NXPE2: variants seen among roughly 807,000 people sequenced by gnomAD.
The protein encoded by NXPE2 is NXPE family member 2.
In NXPE2, 34 loss-of-function variants were observed where a neutral mutation model predicts 34.4. The observed-to-expected ratio is 0.99, with a 90% confidence interval of 0.75 to 1.31. The LOEUF (loss-of-function observed/expected upper bound fraction) is 1.31. NXPE2 is among the 40% of genes most tolerant of loss of function. The probability of loss-of-function intolerance (pLI) is 0.00; values close to 1 mark genes in which losing one functional copy is unlikely to be tolerated. For missense variants in NXPE2, 649 were observed against 672.5 expected (o/e 0.97, Z 0.39); for synonymous variants, 235 against 231.3 (o/e 1.02, Z -0.15).
At chr11:114,483,473 A>G in the NXPE2 span, among the ~76,000 whole-genome samples, 1 of 152,192 alleles carries the variant, frequency 6.6e-6, no homozygotes. Context: ...CTGCCTTAGG[A>G]GATTGTTGTA....
At chr11:114,569,024 T>C in the NXPE2 span, among the ~76,000 whole-genome samples, 1 of 152,216 alleles carries the variant, frequency 6.6e-6, no homozygotes, top group East Asian at 1.9e-4. Flanking sequence ...CATTGGACTA[T>C]GAACTGTGAT....
chr11:114,620,943 T>A, the NXPE2 span, among the ~76,000 whole-genome samples: 1 of 152,154 alleles, frequency 6.6e-6, no homozygotes, highest in Non-Finnish European at 1.5e-5. Flanking sequence ...GTAACCACAT[T>A]TACCTGTTGG....
At chr11:114,519,481 A>G in the NXPE2 span, among the ~76,000 whole-genome samples, 1 of 152,240 alleles carries the variant, frequency 6.6e-6, no homozygotes, top group South Asian at 2.1e-4. Flanking sequence ...GCTATTAGAG[A>G]TAACAGATAC....
the NXPE2 span, among the ~76,000 whole-genome samples, chr11:114,618,650 A>G: frequency 1.3e-5 from 2 of 152,150 alleles, no homozygotes; most frequent in African/African-American, 4.8e-5. Flanking sequence ...CCGGTTTATA[A>G]TAAGTGTTGC....
downstream of NXPE2, among the ~76,000 whole-genome samples, chr11:114,710,064 A>G (rs1398113686): frequency 6.6e-6 from 1 of 152,192 alleles, no homozygotes; most frequent in African/African-American, 2.4e-5. Flanking sequence ...AAACAAAAAT[A>G]CAACACACTA....
chr11:114,713,033 A>C, the NXPE2 span, among the ~76,000 whole-genome samples: 1 of 152,198 alleles, frequency 6.6e-6, no homozygotes, highest in East Asian at 1.9e-4. Context: ...TGACAAAAGG[A>C]TAAATACTAT....
the NXPE2 span, among the ~76,000 whole-genome samples, chr11:114,466,169 T>G: frequency 6.6e-6 from 1 of 152,216 alleles, no homozygotes; most frequent in African/African-American, 2.4e-5. Context: ...ATAAATTTAT[T>G]TGTAGCTTGA....
At chr11:114,800,422 T>C in the NXPE2 span, among the ~76,000 whole-genome samples, 58 of 152,364 alleles carry the variant, frequency 3.8e-4, no homozygotes, top group African/African-American at 1.4e-3. Context: ...AAGGTTAGAC[T>C]CTTGACATTC....
the NXPE2 span, among the ~76,000 whole-genome samples, chr11:114,726,944 A>G: frequency 1.3e-3 from 191 of 152,150 alleles, no homozygotes; most frequent in African/African-American, 4.2e-3. Flanking sequence ...TGGTCATCGT[A>G]TTGTCTAAGA....
chr11:114,713,061 A>C, the NXPE2 span, among the ~76,000 whole-genome samples: 1 of 152,188 alleles, frequency 6.6e-6, no homozygotes, highest in East Asian at 1.9e-4. Context: ...CACTCCTATG[A>C]TGTATTCATA....
chr11:114,714,298 G>A, the NXPE2 span, among the ~76,000 whole-genome samples: 4 of 152,136 alleles, frequency 2.6e-5, no homozygotes, highest in African/African-American at 7.2e-5. Context: ...AGTTGATACT[G>A]GAAACCAATA....
chr11:114,806,939 G>T, the NXPE2 span, among the ~76,000 whole-genome samples: 1 of 152,156 alleles, frequency 6.6e-6, no homozygotes, highest in Non-Finnish European at 1.5e-5. Context: ...GGCAGCCAGA[G>T]AGAAAAGTCG....
At chr11:114,601,648 TA>T in the NXPE2 span, among the ~76,000 whole-genome samples, 1 of 74,928 alleles carries the variant, frequency 1.3e-5, no homozygotes, top group South Asian at 3.9e-4. Context: ...TATATATAAT[TA>T]TATATTATAA....
At chr11:114,673,560 T>C (rs1469021233), upstream of NXPE2, among the ~76,000 whole-genome samples, 1 of 151,294 alleles carries the variant, frequency 6.6e-6, no homozygotes, top group African/African-American at 2.4e-5. Flanking sequence ...ACCAATAAAA[T>C]TGACAAACCT....
chr11:114,470,456 T>A, the NXPE2 span, among the ~76,000 whole-genome samples: 1 of 152,170 alleles, frequency 6.6e-6, no homozygotes, highest in African/African-American at 2.4e-5. Context: ...TGACTGATGA[T>A]GTTGAGTATC....
intron 5 of NXPE2, 137 bp from the exon 6 acceptor site, chr11:114,706,256 TGG>T: frequency 1.6e-6 from 1 of 644,724 alleles, no homozygotes; most frequent in Non-Finnish European, 2.4e-6. Flanking sequence ...GTAATGCACC[TGG>T]TAAAATTATC....
the NXPE2 span, among the ~76,000 whole-genome samples, chr11:114,553,069 A>G: frequency 2.0e-4 from 31 of 152,270 alleles, no homozygotes; most frequent in African/African-American, 7.5e-4. Context: ...AACACTGCTC[A>G]ATCTCCACCA....
At chr11:114,712,955 G>T in the NXPE2 span, among the ~76,000 whole-genome samples, 1 of 152,148 alleles carries the variant, frequency 6.6e-6, no homozygotes, top group Non-Finnish European at 1.5e-5. Flanking sequence ...CTTAGTAAAG[G>T]AAGGAAATCA....
the NXPE2 span, among the ~76,000 whole-genome samples, chr11:114,716,279 C>T: frequency 6.6e-6 from 1 of 152,258 alleles, no homozygotes; most frequent in East Asian, 1.9e-4. Context: ...CTTGTTTCTC[C>T]CTTCACCTAC....
Sources: gnomAD v4.1 joint callset for allele counts (sites outside exome capture counted in the v4.1 genomes callset) on GRCh38, gnomAD v4.1.1 for gene constraint, MANE v1.5 for transcripts, NCBI Gene and HGNC (gene_info 2026-07-23, HGNC 2026-07-21) for gene names.